The following KIF26B variants were observed in gnomAD, a reference collection of about 807,000 sequenced individuals.
KIF26B encodes the protein kinesin-like protein KIF26B.
KIF26B carries 63 observed loss-of-function variants against 151.2 expected under a neutral mutation model. The observed-to-expected ratio is 0.42, with a 90% CI of 0.34 to 0.51. KIF26B has a LOEUF of 0.51. Among genes scored for constraint, KIF26B ranks in the 20% least tolerant of loss-of-function variants. KIF26B has a pLI of 0.07. For missense variants in KIF26B, 2,813 were observed against 2,913.6 expected (o/e 0.97, Z 0.79); for synonymous variants, 1,357 against 1,262.1 (o/e 1.08, Z -1.59).
rs1020484481 is a variant in KIF26B at position 245,167,261 on chromosome 1, T to C, written c.465+10578T>C. 8.6e-5 allele frequency among the ~76,000 whole-genome samples: 13 copies of C among 152,042 alleles called. No homozygotes were observed. Among genetic ancestry groups the C allele is most frequent in the African/African-American group, 9.7e-5 (4 of 41,380 alleles). ...GCTTTTCTATCACAGGGGTGACAAATAGAAACTTTTATTTTGATATGTCCT... is the reference window on the plus strand; with the variant it reads ...GCTTTTCTATCACAGGGGTGACAAACAGAAACTTTTATTTTGATATGTCCT... On this transcript the variant is annotated intron_variant, in intron 2 of 14. Coordinates refer to ENST00000407071, the MANE Select transcript of KIF26B (RefSeq NM_018012.4). The surrounding 1 kb of genome is among the most constrained non-coding windows in gnomAD (Gnocchi z 4.2).
intron 4 of KIF26B, among the ~76,000 whole-genome samples, chr1:245,485,385 A>AT (rs10672221): frequency 0.073 from 10,341 of 142,522 alleles, 547 homozygotes; most frequent in Admixed American, 0.14. Context: ...TCCTAGCATC[A>AT]TTTTTTTTTT....
At chr1:245,468,532 G>A (rs1659842741) in intron 4 of KIF26B, among the ~76,000 whole-genome samples, 2 of 152,300 alleles carry the variant, frequency 1.3e-5, no homozygotes, top group South Asian at 2.1e-4. Flanking sequence ...AATGTCCCAG[G>A]AGTCATTTGT....
chr1:245,268,442 C>T lies in KIF26B; in HGVS notation c.466-98392C>T, dbSNP rs565733288. On this transcript the variant is annotated intron_variant, in intron 2 of 14. Coordinates refer to ENST00000407071, the MANE Select transcript of KIF26B (RefSeq NM_018012.4). The stretch of plus-strand genomic sequence containing the variant: ...CGAGATCACACCACTGGACTCCAGC[C>T]TGGGTGATGGAGCGAGACTCCATCT... 2.8e-4 allele frequency among the ~76,000 whole-genome samples: 42 copies of T among 150,188 alleles called. 1 individual carries two copies. The highest frequency in any genetic ancestry group is 4.7e-4 in the Non-Finnish European group (32 of 67,706).
chr1:245,535,705 C>T (rs1479741399), intron 4 of KIF26B, among the ~76,000 whole-genome samples: 1 of 152,188 alleles, frequency 6.6e-6, no homozygotes, highest in African/African-American at 2.4e-5. Flanking sequence ...TTTTATGTTT[C>T]ACCTGCTGCT....
At chr1:245,183,943 A>G (rs1374346733) in intron 2 of KIF26B, among the ~76,000 whole-genome samples, 1 of 148,708 alleles carries the variant, frequency 6.7e-6, no homozygotes, top group Non-Finnish European at 1.5e-5. Flanking sequence ...TCATATAGTT[A>G]TTTGATGAAG....
chr1:245,487,691 C>T (rs114941656), intron 4 of KIF26B, among the ~76,000 whole-genome samples: 115 of 151,900 alleles, frequency 7.6e-4, no homozygotes, highest in African/African-American at 2.6e-3. Flanking sequence ...GCCTGGACCT[C>T]GGCTCAGGTG....
chr1:245,328,296 C>G (rs944328275), intron 2 of KIF26B, among the ~76,000 whole-genome samples: 1 of 151,956 alleles, frequency 6.6e-6, no homozygotes, highest in South Asian at 2.1e-4. Context: ...AGGGAATATG[C>G]TGGGACTAAG....
chr1:245,233,696 T>C (rs894024079), intron 2 of KIF26B, among the ~76,000 whole-genome samples: 1 of 152,244 alleles, frequency 6.6e-6, no homozygotes, highest in Non-Finnish European at 1.5e-5. Context: ...AAATCTCATG[T>C]TCTCTCTGTC....
intron 2 of KIF26B, among the ~76,000 whole-genome samples, chr1:245,182,983 A>G (rs2103528455): frequency 6.6e-6 from 1 of 152,320 alleles, no homozygotes; most frequent in East Asian, 1.9e-4. Flanking sequence ...GCACCATTTT[A>G]TATTCCTCCC....
intron 4 of KIF26B, among the ~76,000 whole-genome samples, chr1:245,466,224 T>TA (rs1233945269): frequency 3.9e-5 from 6 of 152,086 alleles, no homozygotes; most frequent in African/African-American, 1.4e-4. Context: ...TCCCTCCTGA[T>TA]AAAAAATCCT....
intron 4 of KIF26B, among the ~76,000 whole-genome samples, chr1:245,506,846 A>AT (rs1354889798): frequency 6.6e-6 from 1 of 152,070 alleles, no homozygotes; most frequent in Non-Finnish European, 1.5e-5. Context: ...ACTCGGCTAA[A>AT]TTTTTTTGTA....
intron 4 of KIF26B, among the ~76,000 whole-genome samples, chr1:245,470,786 G>A (rs1240347693): frequency 2.0e-5 from 3 of 152,094 alleles, no homozygotes; most frequent in African/African-American, 7.2e-5. Context: ...AGGCCATCGT[G>A]CTAGGCTTCG....
chr1:245,436,212 T>G (rs926804356), intron 4 of KIF26B, among the ~76,000 whole-genome samples: 1 of 151,884 alleles, frequency 6.6e-6, no homozygotes, highest in Non-Finnish European at 1.5e-5. Flanking sequence ...CTAAATAGCT[T>G]GCTGAGTTTC....
rs543775509 is a variant in KIF26B at position 245,343,358 on chromosome 1, G to T, written c.466-23476G>T. ...CATTTAAAACATTAAAAAGTTCCAT[G>T]CAATCTTTTTTTTTTTTCCTACCAC... On this transcript the variant is annotated intron_variant, in intron 2 of 14. Transcript: ENST00000407071. Among the ~76,000 whole-genome samples the T allele has an allele frequency of 2.7e-5, 4 of 150,698 alleles. No individual in the cohort carries two copies. In the South Asian group the frequency reaches 8.4e-4, roughly 32 times the overall value.
chr1:245,446,116 A>G (rs1659243596), intron 4 of KIF26B, among the ~76,000 whole-genome samples: 1 of 152,210 alleles, frequency 6.6e-6, no homozygotes, highest in Non-Finnish European at 1.5e-5. Flanking sequence ...AGCCTACTGC[A>G]CACCTCAGCT....
intron 2 of KIF26B, among the ~76,000 whole-genome samples, chr1:245,189,828 T>G (rs1050231218): frequency 2.0e-5 from 3 of 152,212 alleles, no homozygotes; most frequent in Non-Finnish European, 4.4e-5. Flanking sequence ...TTTAATGGAC[T>G]CACAGTTCCA....
At chr1:245,350,568 C>T (rs763520833) in intron 2 of KIF26B, among the ~76,000 whole-genome samples, 1 of 149,636 alleles carries the variant, frequency 6.7e-6, no homozygotes, top group Non-Finnish European at 1.5e-5. Flanking sequence ...CATGGGTAGA[C>T]TCTGGTCTAC....
chr1:245,349,559 C>CAA (rs58254627), intron 2 of KIF26B, among the ~76,000 whole-genome samples: 25 of 75,786 alleles, frequency 3.3e-4, no homozygotes, highest in Admixed American at 7.3e-4. Flanking sequence ...AAATAAACTT[C>CAA]AAAAAAAAAA....
At chr1:245,542,722 CT>C (rs1317806499) in intron 5 of KIF26B, among the ~76,000 whole-genome samples, 3 of 152,144 alleles carry the variant, frequency 2.0e-5, no homozygotes, top group African/African-American at 2.4e-5. Context: ...ATCTTCTATT[CT>C]TTTTTACATT....
Sources: gnomAD v4.1 joint callset for allele counts (sites outside exome capture counted in the v4.1 genomes callset) on GRCh38, gnomAD v4.1.1 for gene constraint, Gnocchi (gnomAD v3.1) non-coding constraint, MANE v1.5 for transcripts, NCBI Gene and HGNC (gene_info 2026-07-23, HGNC 2026-07-21) for gene names.